B4GALT5: variants seen among roughly 807,000 people sequenced by gnomAD.
The protein encoded by B4GALT5 is beta-1,4-galactosyltransferase 5.
Under a neutral mutation model 45.0 loss-of-function variants are expected in B4GALT5, and 11 were observed. That is an observed-to-expected ratio of 0.24 (90% CI 0.15 to 0.40). The LOEUF is 0.40. Among genes scored for constraint, B4GALT5 ranks in the 10% least tolerant of loss-of-function variants. B4GALT5 has a pLI of 1.00. For missense variants in B4GALT5, 337 were observed against 500.2 expected, an observed-to-expected ratio of 0.67 and a Z score of 3.11; for synonymous variants, 185 against 182.9, an observed-to-expected ratio of 1.01 and a Z score of -0.09.
At position 49,660,164 on chromosome 20, in the gene B4GALT5, T is replaced by C. The variant is rs1465944468; in HGVS notation, c.116-3462A>G. Among the ~76,000 whole-genome samples the C allele has an allele frequency of 2.0e-5, 3 of 152,316 alleles. 1 individual carries two copies. The East Asian group carries it at 5.8e-4, about 29-fold the overall frequency. On this transcript the variant is annotated intron_variant, in intron 1 of 8. Coordinates refer to ENST00000371711, the MANE Select transcript of B4GALT5 (RefSeq NM_004776.4). ...CACTCCCCATCCAGGCTGCGCTCTC[T>C]GCATACTGGCCCAGTTGTCTACACT...
At chr20:49,653,528 T>TTCA (rs1356090368) in intron 2 of B4GALT5, among the ~76,000 whole-genome samples, 1 of 152,262 alleles carries the variant, frequency 6.6e-6, no homozygotes, top group Non-Finnish European at 1.5e-5. Flanking sequence ...ATTACTGCGA[T>TTCA]TCAGGGCACA....
chr20:49,713,567 C>T lies in B4GALT5; in HGVS notation c.115+9G>A. 1 of 1,566,900 alleles carries T rather than the reference C, an allele frequency of 6.4e-7. No homozygotes were observed. The highest frequency in any genetic ancestry group is 2.4e-5 in the East Asian group (1 of 42,316). ...CGGCAGCCGCCGCGGTCCCAAGCCC[C>T]CTTCCTACCTATGCCGGGCGCCACA... On this transcript the variant is annotated intron_variant, in intron 1 of 8. Coordinates refer to ENST00000371711, the MANE Select transcript of B4GALT5 (RefSeq NM_004776.4).
chr20:49,668,123 G>T (rs2085699868), intron 1 of B4GALT5, among the ~76,000 whole-genome samples: 1 of 152,038 alleles, frequency 6.6e-6, no homozygotes, highest in Non-Finnish European at 1.5e-5. Context: ...GGGAAAAATT[G>T]ATTTGAGGAA....
At chr20:49,708,924 T>A (rs1296215099) in intron 1 of B4GALT5, among the ~76,000 whole-genome samples, 2 of 83,800 alleles carry the variant, frequency 2.4e-5, no homozygotes, top group East Asian at 6.2e-4. Flanking sequence ...AGAGCGAGAC[T>A]CCATCTCAAA....
At chr20:49,687,417 G>A (rs2085790916) in intron 1 of B4GALT5, among the ~76,000 whole-genome samples, 1 of 152,182 alleles carries the variant, frequency 6.6e-6, no homozygotes, top group Non-Finnish European at 1.5e-5. Context: ...AGGCTGAGGT[G>A]GGCGGATCAT....
intron 1 of B4GALT5, among the ~76,000 whole-genome samples, chr20:49,665,235 C>T (rs1390598485): frequency 6.6e-6 from 1 of 151,540 alleles, no homozygotes; most frequent in East Asian, 1.9e-4. Flanking sequence ...CTGGGCTGTT[C>T]CTAGTGAGGC....
intron 1 of B4GALT5, among the ~76,000 whole-genome samples, chr20:49,673,860 G>T (rs888795388): frequency 2.0e-5 from 3 of 151,914 alleles, no homozygotes; most frequent in Admixed American, 6.6e-5. Flanking sequence ...CAAAATAGTG[G>T]TAACTGTTGA....
At chr20:49,665,940 G>A (rs2085688636) in intron 1 of B4GALT5, among the ~76,000 whole-genome samples, 1 of 152,004 alleles carries the variant, frequency 6.6e-6, no homozygotes. Context: ...CATGAGACGG[G>A]AGGCTAGAAA....
chr20:49,674,594 G>A (rs2085729940), intron 1 of B4GALT5, among the ~76,000 whole-genome samples: 1 of 151,448 alleles, frequency 6.6e-6, no homozygotes, highest in Non-Finnish European at 1.5e-5. Context: ...GGAAGGGGAA[G>A]GGAGGCACAG....
chr20:49,676,174 T>C (rs1041094757), intron 1 of B4GALT5, among the ~76,000 whole-genome samples: 3 of 151,886 alleles, frequency 2.0e-5, no homozygotes, highest in African/African-American at 7.3e-5. Context: ...AAAATGTACA[T>C]AATACATATA....
intron 1 of B4GALT5, among the ~76,000 whole-genome samples, chr20:49,692,931 G>A: frequency 6.6e-6 from 1 of 152,184 alleles, no homozygotes; most frequent in East Asian, 1.9e-4. Flanking sequence ...ATCCAATGGT[G>A]ATCCTCTAAG....
intron 1 of B4GALT5, among the ~76,000 whole-genome samples, chr20:49,670,965 T>G (rs564707817): frequency 1.4e-4 from 22 of 152,270 alleles, no homozygotes; most frequent in African/African-American, 5.1e-4. Context: ...AAAGCAAAAC[T>G]CCAACCTATC....
At chr20:49,667,033 T>C (rs1004918362) in intron 1 of B4GALT5, among the ~76,000 whole-genome samples, 3 of 152,116 alleles carry the variant, frequency 2.0e-5, no homozygotes, top group Non-Finnish European at 4.4e-5. Flanking sequence ...TTACCATCAA[T>C]TTAGAGATGA....
chr20:49,667,712 A>G (rs2085697630), intron 1 of B4GALT5, among the ~76,000 whole-genome samples: 1 of 152,168 alleles, frequency 6.6e-6, no homozygotes. Context: ...CGCATGGCCA[A>G]TATTACCTGG....
rs770665322 is a variant in B4GALT5, at chr20:49,643,520, C to A, written c.489+6G>T. ...TCAGCATTTTGGCTGTGACTTCACA[C>A]CCTACCTTCCACCGAGGCATGCAAT... On this transcript the variant is annotated splice_donor_region_variant and intron_variant, in intron 4 of 8. Transcript: ENST00000371711. The A allele has an allele frequency of 4.3e-6, 7 of 1,613,866 alleles. No individual in the cohort carries two copies. The highest frequency in any genetic ancestry group is 5.9e-6 in the Non-Finnish European group (7 of 1,179,874).
chr20:49,686,842 T>C (rs188164955), intron 1 of B4GALT5, among the ~76,000 whole-genome samples: 2 of 149,438 alleles, frequency 1.3e-5, no homozygotes, highest in East Asian at 4.0e-4. Flanking sequence ...GAGGCTGCAA[T>C]GAGCTATAAT....
chr20:49,677,031 T>G (rs8115297), intron 1 of B4GALT5, among the ~76,000 whole-genome samples: 3,767 of 152,240 alleles, frequency 0.025, 180 homozygotes, highest in African/African-American at 0.087. Flanking sequence ...TAAGTGGTGT[T>G]TTTTGTTTTG....
intron 2 of B4GALT5, among the ~76,000 whole-genome samples, chr20:49,651,515 G>A (rs1249881249): frequency 6.6e-6 from 1 of 151,436 alleles, no homozygotes; most frequent in Non-Finnish European, 1.5e-5. Context: ...CTTGAACCTG[G>A]GAGGCAGAGG....
intron 1 of B4GALT5, among the ~76,000 whole-genome samples, chr20:49,702,871 C>A (rs996699406): frequency 6.6e-6 from 1 of 150,488 alleles, no homozygotes; most frequent in African/African-American, 2.4e-5. Context: ...CAAAAAAAAA[C>A]CCTAAAAAAT....
Sources: allele counts gnomAD v4.1 joint callset (sites outside exome capture counted in the v4.1 genomes callset), GRCh38; gene constraint gnomAD v4.1.1; transcripts MANE v1.5; gene names NCBI Gene and HGNC (gene_info 2026-07-23, HGNC 2026-07-21).